The following BTBD16 variants were observed in gnomAD, a reference collection of about 807,000 sequenced individuals.
BTBD16 encodes the protein BTB domain containing 16, also known as BTB/POZ domain-containing protein 16.
BTBD16 carries 66 observed loss-of-function variants against 67.4 expected under a neutral mutation model. The ratio of observed to expected loss-of-function variants is 0.98; its 90% CI spans 0.80 to 1.20. The LOEUF (loss-of-function observed/expected upper bound fraction) is 1.20. Among genes scored for constraint, BTBD16 ranks in the 50% most tolerant of loss-of-function variants. The probability of loss-of-function intolerance (pLI) is 0.00; values close to 1 mark genes in which losing one functional copy is unlikely to be tolerated. For synonymous variants in BTBD16, 242 were observed against 236.4 expected (o/e 1.02, Z -0.22); for missense variants, 634 against 616.0 (o/e 1.03, Z -0.31).
intron 5 of BTBD16, among the ~76,000 whole-genome samples, chr10:122,288,693 T>G (rs1590056920): frequency 1.3e-5 from 2 of 151,884 alleles, no homozygotes; most frequent in South Asian, 4.2e-4. Context: ...GTCAAATTAG[T>G]CTCTGAAGAA....
intron 9 of BTBD16, among the ~76,000 whole-genome samples, chr10:122,302,943 T>C (rs562186520): frequency 4.6e-5 from 7 of 152,178 alleles, no homozygotes; most frequent in Non-Finnish European, 8.8e-5. Flanking sequence ...CTGTGGTCAT[T>C]ACCAGCTCAC....
intron 4 of BTBD16, among the ~76,000 whole-genome samples, chr10:122,284,278 G>A (rs533780243): frequency 2.0e-5 from 3 of 152,062 alleles, no homozygotes; most frequent in East Asian, 1.9e-4. Context: ...GTGAAACCCC[G>A]TCTCTACTAA....
intron 5 of BTBD16, 132 bp downstream of exon 5, chr10:122,286,380 C>A (rs192496387): frequency 7.7e-7 from 1 of 1,303,338 alleles, no homozygotes; most frequent in East Asian, 2.5e-5. Flanking sequence ...ACAGTGTTAT[C>A]TCATCCCATG....
chr10:122,288,605 C>T (rs908526119), intron 5 of BTBD16, among the ~76,000 whole-genome samples: 2 of 142,690 alleles, frequency 1.4e-5, no homozygotes, highest in African/African-American at 2.5e-5. Context: ...GTGGGTGGAG[C>T]GGCAAGTGAA....
chr10:122,319,698 C>G (rs998381413), intron 10 of BTBD16, among the ~76,000 whole-genome samples: 1 of 152,040 alleles, frequency 6.6e-6, no homozygotes, highest in Non-Finnish European at 1.5e-5. Context: ...TTTGACTACT[C>G]TAGCTCCTTT....
intron 10 of BTBD16, among the ~76,000 whole-genome samples, chr10:122,315,903 T>A (rs185194511): frequency 7.0e-4 from 106 of 152,302 alleles, no homozygotes; most frequent in African/African-American, 2.4e-3. Flanking sequence ...TAAGTACCCA[T>A]AAAATGATCA....
At chr10:122,302,180 C>T (rs1438433160) in intron 9 of BTBD16, among the ~76,000 whole-genome samples, 1 of 152,332 alleles carries the variant, frequency 6.6e-6, no homozygotes, top group African/African-American at 2.4e-5. Flanking sequence ...TGAAGTCCCT[C>T]GAGCTCATCT....
chr10:122,290,450 G>A (rs1470399978), intron 6 of BTBD16, among the ~76,000 whole-genome samples: 2 of 152,126 alleles, frequency 1.3e-5, no homozygotes, highest in African/African-American at 4.8e-5. Flanking sequence ...AGCCACTCAT[G>A]GGCAGACTTC....
intron 9 of BTBD16, among the ~76,000 whole-genome samples, chr10:122,299,911 C>T (rs2096390671): frequency 6.6e-6 from 1 of 152,160 alleles, no homozygotes; most frequent in Admixed American, 6.5e-5. Context: ...TCCTTCAACT[C>T]ACACAGCATA....
Position 122,313,600 on chromosome 10 carries a change from G to A in BTBD16, c.911+6292G>A, listed in dbSNP as rs573572252. Among the ~76,000 whole-genome samples the A allele has an allele frequency of 5.9e-5, 9 of 152,276 alleles. No homozygotes were observed. The South Asian group carries it at 1.7e-3, about 28-fold the overall frequency. Reference sequence around the variant, plus strand: ...TATTTAAGAATCTTTGCCTATTCCAGTGCCATGTGGATATTCTCCTATTTT... The same window carrying A: ...TATTTAAGAATCTTTGCCTATTCCAATGCCATGTGGATATTCTCCTATTTT... On this transcript the variant is annotated intron_variant, in intron 10 of 15. Coordinates refer to ENST00000260723, the MANE Select transcript of BTBD16 (RefSeq NM_144587.5).
intron 10 of BTBD16, among the ~76,000 whole-genome samples, chr10:122,323,192 T>C (rs2096438481): frequency 6.6e-6 from 1 of 152,210 alleles, no homozygotes; most frequent in African/African-American, 2.4e-5. Context: ...TCTGGCCAGT[T>C]GTTTAGTGTT....
chr10:122,327,918 C>T (rs117902806), intron 10 of BTBD16, among the ~76,000 whole-genome samples: 2,177 of 152,306 alleles, frequency 0.014, 19 homozygotes, highest in Non-Finnish European at 0.022. Flanking sequence ...CTTTCTGGAA[C>T]TGAATCTGTA....
chr10:122,338,045 C>G lies in BTBD16; in HGVS notation c.1481C>G (p.Pro494Arg). 6.2e-7 allele frequency: 1 copy of G among 1,612,326 alleles called. No individual in the cohort carries two copies. The highest frequency in any genetic ancestry group is 8.5e-7 in the Non-Finnish European group (1 of 1,178,508). Residue 494 changes from proline to arginine, a missense_variant, in exon 16 of 16, where the codon CCA becomes CGA. By Grantham distance (103) the Pro-to-Arg change is moderately radical. Transcript: ENST00000260723. ...TTGAAAATCCAAACTGTGGGCATCCCAATCTATGTAAGTTTTGCATTCATC... is the reference window on the plus strand; with the variant it reads ...TTGAAAATCCAAACTGTGGGCATCCGAATCTATGTAAGTTTTGCATTCATC... ...HTLKIQTVGI[P>R]IYVSFAFIFP...
chr10:122,329,413 T>C, intron 10 of BTBD16, 67 bp from the exon 11 acceptor site: 2 of 1,515,294 alleles, frequency 1.3e-6, no homozygotes, highest in Non-Finnish European at 9.1e-7. Context: ...TGGCTTTCCC[T>C]AGCCCGAGCT....
chr10:122,288,737 A>G (rs1490081170), intron 5 of BTBD16, among the ~76,000 whole-genome samples: 3 of 152,016 alleles, frequency 2.0e-5, no homozygotes, highest in African/African-American at 7.2e-5. Flanking sequence ...GTGGGGTGCT[A>G]CCTTACATTT....
At position 122,295,531 on chromosome 10, in the gene BTBD16, G is replaced by A. The variant is rs544852689; in HGVS notation, c.591-2237G>A. The A allele has an allele frequency of 6.1e-6, 6 of 985,256 alleles. No individual in the cohort carries two copies. In the Admixed American group the frequency reaches 3.7e-4, roughly 61 times the overall value. 61.0% of individuals were successfully genotyped at this position (985,256 alleles called of 1,614,324 possible). On this transcript the variant is annotated intron_variant, in intron 7 of 15. Coordinates refer to ENST00000260723, the MANE Select transcript of BTBD16 (RefSeq NM_144587.5). ...TTAGGCTGAGCCCCTCCTGTGTGAA[G>A]GATGTGGTATAAATGTGGGAGGCTG...
intron 11 of BTBD16, among the ~76,000 whole-genome samples, chr10:122,330,887 C>T (rs529379730): frequency 1.2e-3 from 190 of 152,276 alleles, no homozygotes; most frequent in African/African-American, 4.4e-3. Context: ...CACCACCACG[C>T]GCAGCTAGTT....
intron 13 of BTBD16, 131 bp downstream of exon 13, chr10:122,332,644 G>T (rs2096457093): frequency 9.5e-7 from 1 of 1,057,802 alleles, no homozygotes; most frequent in Non-Finnish European, 1.3e-6. Context: ...GAGAACCACA[G>T]GTGTCTCTCC....
intron 10 of BTBD16, among the ~76,000 whole-genome samples, chr10:122,322,286 G>T (rs116461579): frequency 6.6e-6 from 1 of 151,798 alleles, no homozygotes; most frequent in African/African-American, 2.4e-5. Flanking sequence ...TGATTTCCAG[G>T]CTTTCTTCTT....
Sources: allele counts gnomAD v4.1 joint callset (sites outside exome capture counted in the v4.1 genomes callset), GRCh38; gene constraint gnomAD v4.1.1; transcripts MANE v1.5; gene names NCBI Gene and HGNC (gene_info 2026-07-23, HGNC 2026-07-21).